The following PODN variants were observed in gnomAD, a reference collection of about 807,000 sequenced individuals.
PODN encodes podocan.
PODN carries 40 observed loss-of-function variants against 52.7 expected under a neutral mutation model. The ratio of observed to expected loss-of-function variants is 0.76; its 90% CI spans 0.59 to 0.99. The LOEUF (loss-of-function observed/expected upper bound fraction) is 0.99, where lower values mean the gene tolerates loss of function less well. Ranked by LOEUF, PODN falls within the 50% of genes least tolerant of loss-of-function variation. PODN has a pLI of 0.00. For synonymous variants in PODN, 396 were observed against 377.9 expected, an observed-to-expected ratio of 1.05 and a Z score of -0.56; for missense variants, 720 against 815.1, an observed-to-expected ratio of 0.88 and a Z score of 1.42.
intron 8 of PODN, 119 bp from the exon 9 acceptor site, chr1:53,080,609 C>G (rs979646795): frequency 2.8e-6 from 3 of 1,079,484 alleles, no homozygotes; most frequent in South Asian, 3.2e-5. Context: ...AGACACCCCC[C>G]CTCCTCCACA....
intron 1 of PODN, among the ~76,000 whole-genome samples, chr1:53,065,603 G>C (rs10437068): frequency 6.6e-6 from 1 of 151,984 alleles, no homozygotes; most frequent in African/African-American, 2.4e-5. Context: ...TCCCAATTGC[G>C]CACCCTCGTG....
chr1:53,081,915 G>A, intron 9 of PODN, 66 bp from the exon 10 acceptor site: 1 of 1,530,638 alleles, frequency 6.5e-7, no homozygotes, highest in South Asian at 1.3e-5. Context: ...GGAGAGGCCA[G>A]TCGGGGGAAG....
At chr1:53,075,485 C>T (rs111441336) in intron 4 of PODN, among the ~76,000 whole-genome samples, 203 of 152,342 alleles carry the variant, frequency 1.3e-3, no homozygotes, top group African/African-American at 4.5e-3. Context: ...GGACGCTTGC[C>T]TCCTCACTTG....
chr1:53,077,248 A>C lies in PODN; in HGVS notation c.640A>C (p.Asn214His). ...CGCCGGGCTGCCGGACAACATGTTC[A>C]ACGGCTCCAGCAACGTCGAGGTCCT... is the stretch of plus-strand genomic sequence containing the variant. The part of the protein sequence containing the change: ...ADAGLPDNMF[N>H]GSSNVEVLIL... Residue 214 changes from asparagine (N) to histidine (H), a missense_variant, in exon 6 of 11, where the codon AAC (asparagine) becomes CAC (histidine). Coordinates refer to ENST00000312553, the MANE Select transcript of PODN (RefSeq NM_153703.5). The C allele has an allele frequency of 6.2e-7, 1 of 1,613,470 alleles. No individual in the cohort carries two copies. Among genetic ancestry groups the C allele is most frequent in the Non-Finnish European group, 8.5e-7 (1 of 1,180,018 alleles).
chr1:53,069,559 C>T, intron 1 of PODN, among the ~76,000 whole-genome samples: 1 of 152,252 alleles, frequency 6.6e-6, no homozygotes, highest in East Asian at 1.9e-4. Context: ...GGGGTACAGA[C>T]TCCTTAGGGC....
At chr1:53,066,943 T>A in intron 1 of PODN, 1 of 1,434,442 alleles carries the variant, frequency 7.0e-7, no homozygotes, top group South Asian at 1.3e-5. Context: ...CTGATTGAAT[T>A]TGGGACCTGG....
chr1:53,078,942 C>T lies in PODN; in HGVS notation c.1432C>T (p.Arg478Cys), dbSNP rs759396764. ...RGALVGMAQL[R>C]ELYLTSNRLR... ...GGCGCTGGTGGGCATGGCTCAGCTGCGTGAGCTGTACCTCACCAGCAACCG... is the reference window on the plus strand; with the variant it reads ...GGCGCTGGTGGGCATGGCTCAGCTGTGTGAGCTGTACCTCACCAGCAACCG... The change falls in exon 8 of 11, where the codon CGT becomes TGT. Residue 478 changes from arginine to cysteine, a missense_variant. Arg to Cys is a radical substitution (Grantham distance 180). Transcript: ENST00000312553. 1.8e-5 allele frequency: 28 copies of T among 1,586,292 alleles called. No individual in the cohort carries two copies. The highest frequency in any genetic ancestry group is 6.8e-5 in the South Asian group (6 of 88,288).
At position 53,078,485 on chromosome 1, in the gene PODN, C is replaced by G. The variant is rs771568059; in HGVS notation, c.975C>G (p.Asp325Glu). The change falls in exon 8 of 11, where the codon GAC (aspartate) becomes GAG (glutamate). Residue 325 changes from aspartate (D) to glutamate (E), a missense_variant. By Grantham distance (45) the Asp-to-Glu change is conservative. Transcript: ENST00000312553. ...AGAAGAACGCCATCCGGAGCGTGGA[C>G]GCGAATGTGCTGACCCCCATCCGCA... Reference protein sequence around the residue: ...HLEKNAIRSVDANVLTPIRSL... With the variant: ...HLEKNAIRSVEANVLTPIRSL... 9 of 1,613,252 alleles carry G rather than the reference C, an allele frequency of 5.6e-6. No individual in the cohort carries two copies. The highest frequency in any genetic ancestry group is 7.6e-6 in the Non-Finnish European group (9 of 1,180,048).
Position 53,077,774 on chromosome 1 carries a change from CGAG to C in PODN, c.830_832del (p.Glu277del). ...ACCTGCAGAACAACTACCTGACTGA[CGAG>C]GGCCTGGACAACGAGACCTTCTGGT... On this transcript the variant is annotated inframe_deletion, in exon 7 of 11. Coordinates refer to ENST00000312553, the MANE Select transcript of PODN (RefSeq NM_153703.5). The C allele has an allele frequency of 6.2e-7, 1 of 1,613,600 alleles. No homozygotes were observed. The highest frequency in any genetic ancestry group is 2.2e-5 in the East Asian group (1 of 44,868).
At chr1:53,062,987 A>G (rs145825853) in intron 1 of PODN, among the ~76,000 whole-genome samples, 142 of 152,156 alleles carry the variant, frequency 9.3e-4, no homozygotes, top group African/African-American at 3.4e-3. Flanking sequence ...AGCTGGAGGG[A>G]GGAAGGGGTG....
intron 2 of PODN, 56 bp from the exon 3 acceptor site, chr1:53,071,479 C>A: frequency 6.9e-7 from 1 of 1,442,562 alleles, no homozygotes; most frequent in South Asian, 1.2e-5. Flanking sequence ...GGAATGGAGT[C>A]CAGGGCACAC....
intron 3 of PODN, chr1:53,073,821 G>C (rs1644154437): frequency 6.6e-6 from 1 of 152,216 alleles, no homozygotes; most frequent in Admixed American, 6.5e-5. Flanking sequence ...AATTGGCTGA[G>C]TTTTAGTCAG....
At chr1:53,067,274 C>A (rs1644047523) in intron 1 of PODN, among the ~76,000 whole-genome samples, 1 of 151,992 alleles carries the variant, frequency 6.6e-6, no homozygotes, top group African/African-American at 2.4e-5. Context: ...TAGGGTCAAG[C>A]AAGCCTGGCT....
intron 1 of PODN, chr1:53,067,006 G>T: frequency 1.3e-6 from 1 of 796,208 alleles, no homozygotes; most frequent in Non-Finnish European, 2.0e-6. Context: ...GGGGTCAGAT[G>T]GGCAAGTGGC....
rs771639169 is a variant in PODN, at chr1:53,069,907, C to T, written c.52C>T (p.His18Tyr). The T allele has an allele frequency of 8.9e-6, 14 of 1,571,122 alleles. No individual in the cohort carries two copies. The African/African-American group carries it at 9.5e-5, about 11-fold the overall frequency. The change falls in exon 2 of 11, where the codon CAC becomes TAC. Residue 18 changes from histidine (H) to tyrosine (Y), a missense_variant. His to Tyr is a moderately conservative substitution (Grantham distance 83, BLOSUM62 2). Coordinates refer to ENST00000312553, the MANE Select transcript of PODN (RefSeq NM_153703.5). ...CCTGCTGCTGCTGCCGCCACAGCTG[C>T]ACCTGGGACCTGTGCTTGCCGTGAG... is the stretch of plus-strand genomic sequence containing the variant. ...LLLLLLPPQL[H>Y]LGPVLAVRAP...
chr1:53,071,811 G>T (rs1294921657), intron 3 of PODN, among the ~76,000 whole-genome samples, 183 bp downstream of exon 3: 1 of 152,176 alleles, frequency 6.6e-6, no homozygotes, highest in Non-Finnish European at 1.5e-5. Context: ...GGGCAAGGGG[G>T]CTCCCTATTG....
chr1:53,077,622 C>A, intron 6 of PODN, 63 bp from the exon 7 acceptor site: 2 of 1,471,494 alleles, frequency 1.4e-6, no homozygotes. Context: ...CACCTCATCC[C>A]GAGGCCCTGA....
chr1:53,084,036 G>C lies in PODN; in HGVS notation c.*28-477G>C, dbSNP rs528112970. Among the ~76,000 whole-genome samples the C allele has an allele frequency of 1.6e-4, 24 of 152,272 alleles. 1 individual carries two copies. The South Asian group carries it at 4.8e-3, about 30-fold the overall frequency. The stretch of plus-strand genomic sequence containing the variant: ...GGAGAAGGGCGCAAGTTGATGGTGA[G>C]AGAAGAGTGTGCACAGAGTTGGGTA... On this transcript the variant is annotated intron_variant, in intron 10 of 10. Coordinates refer to ENST00000312553, the MANE Select transcript of PODN (RefSeq NM_153703.5).
At chr1:53,080,031 A>C in intron 8 of PODN, among the ~76,000 whole-genome samples, 1 of 131,226 alleles carries the variant, frequency 7.6e-6, no homozygotes. Context: ...GAAACTCATC[A>C]GAGAACCTGG....
Sources: allele counts gnomAD v4.1 joint callset (sites outside exome capture counted in the v4.1 genomes callset), GRCh38; gene constraint gnomAD v4.1.1; transcripts MANE v1.5; gene names NCBI Gene and HGNC (gene_info 2026-07-23, HGNC 2026-07-21).